The following SPSB4 variants were observed in gnomAD, a reference collection of about 807,000 sequenced individuals.
SPSB4 encodes SPRY domain-containing SOCS box protein 4.
In SPSB4, 21 loss-of-function variants were observed where a neutral mutation model predicts 20.9. The observed-to-expected ratio is 1.01, with a 90% CI of 0.71 to 1.45. SPSB4 has a LOEUF of 1.45. Among genes scored for constraint, SPSB4 ranks in the 40% most tolerant of loss-of-function variants. The pLI is 0.00. For missense variants in SPSB4, 399 were observed against 399.2 expected, an observed-to-expected ratio of 1.00 and a Z score of 0.00; for synonymous variants, 207 against 183.8, an observed-to-expected ratio of 1.13 and a Z score of -1.02.
At chr3:141,136,029 G>A (rs1362743861) in intron 2 of SPSB4, among the ~76,000 whole-genome samples, 5 of 151,754 alleles carry the variant, frequency 3.3e-5, no homozygotes, top group African/African-American at 7.3e-5. Flanking sequence ...TTTAATGATC[G>A]CCATTCTAAC....
At chr3:141,056,693 T>A (rs867565746) in intron 1 of SPSB4, among the ~76,000 whole-genome samples, 2 of 152,394 alleles carry the variant, frequency 1.3e-5, no homozygotes, top group South Asian at 2.1e-4. Flanking sequence ...CATTAAATGG[T>A]ACCCTTCCCA....
At chr3:141,071,965 C>T (rs1203348797) in intron 2 of SPSB4, among the ~76,000 whole-genome samples, 2 of 152,232 alleles carry the variant, frequency 1.3e-5, no homozygotes, top group Non-Finnish European at 2.9e-5. Context: ...GACACTGTCT[C>T]CTTGCCAGAG....
intron 2 of SPSB4, among the ~76,000 whole-genome samples, chr3:141,109,046 T>A (rs1021012420): frequency 6.6e-6 from 1 of 152,230 alleles, no homozygotes; most frequent in East Asian, 1.9e-4. Context: ...CCTTTTGGAG[T>A]CCAGTTTTTT....
At chr3:141,103,379 C>T (rs2107795873) in intron 2 of SPSB4, among the ~76,000 whole-genome samples, 1 of 152,262 alleles carries the variant, frequency 6.6e-6, no homozygotes, top group South Asian at 2.1e-4. Context: ...AAAGAGCTTC[C>T]CATCCAGCTC....
intron 1 of SPSB4, among the ~76,000 whole-genome samples, chr3:141,064,031 TC>T (rs1403464020): frequency 1.3e-5 from 2 of 152,206 alleles, no homozygotes; most frequent in African/African-American, 2.4e-5. Context: ...GCCCTCCTCT[TC>T]CCCCAGGGTG....
At chr3:141,127,836 A>T (rs116642299) in intron 2 of SPSB4, among the ~76,000 whole-genome samples, 5,250 of 152,306 alleles carry the variant, frequency 0.034, 146 homozygotes, top group Non-Finnish European at 0.055. Context: ...GAGGACAAAT[A>T]TTCTCTTAGG....
chr3:141,134,065 T>TC (rs1939186625), intron 2 of SPSB4, among the ~76,000 whole-genome samples: 1 of 144,312 alleles, frequency 6.9e-6, no homozygotes, highest in Non-Finnish European at 1.5e-5. Context: ...TCTTTTTTTT[T>TC]TTTTTTTTTT....
rs1045500562 is a variant in SPSB4, at chr3:141,147,539, C to A, written c.*270C>A. 1 of 456,554 alleles carries A rather than the reference C, an allele frequency of 2.2e-6. No homozygotes were observed. Among genetic ancestry groups the A allele is most frequent in the South Asian group, 3.2e-5 (1 of 30,796 alleles). 28.3% of individuals were successfully genotyped at this position (456,554 alleles called of 1,614,324 possible). A position where few individuals can be genotyped will look rare whatever the true frequency, so the allele number is the denominator to read the frequency against. ...CTGGAGTCTGCACCTCCTGGAAATCCTGCCACCAACCAGGACACAGCAGCC... is the reference window on the plus strand; with the variant it reads ...CTGGAGTCTGCACCTCCTGGAAATCATGCCACCAACCAGGACACAGCAGCC... On this transcript the variant is annotated 3_prime_UTR_variant, in exon 3 of 3. Coordinates refer to ENST00000310546, the MANE Select transcript of SPSB4 (RefSeq NM_080862.3).
At chr3:141,095,448 T>A (rs1239264943) in intron 2 of SPSB4, among the ~76,000 whole-genome samples, 1 of 152,156 alleles carries the variant, frequency 6.6e-6, no homozygotes, top group Non-Finnish European at 1.5e-5. Flanking sequence ...CTCACCCACC[T>A]GCTCCCTTCC....
chr3:141,071,215 G>A (rs925559573), intron 2 of SPSB4, among the ~76,000 whole-genome samples: 12 of 152,222 alleles, frequency 7.9e-5, no homozygotes, highest in East Asian at 5.8e-4. Context: ...TTTGGAATCT[G>A]CTCTGGGCTG....
At chr3:141,124,162 T>G (rs1187203955) in intron 2 of SPSB4, 2 of 152,234 alleles carry the variant, frequency 1.3e-5, no homozygotes, top group African/African-American at 4.8e-5. Context: ...ACTGGGTTTC[T>G]CATTCTCATT....
Position 141,127,652 on chromosome 3 carries a change from C to T in SPSB4, c.695-19490C>T, listed in dbSNP as rs569678024. Among the ~76,000 whole-genome samples the T allele has an allele frequency of 2.6e-5, 4 of 152,226 alleles. No homozygotes were observed. In the East Asian group the frequency reaches 7.7e-4, roughly 29 times the overall value. On this transcript the variant is annotated intron_variant, in intron 2 of 2. Transcript: ENST00000310546. ...GCCAGGATTAAATGTGATTTCTGTT[C>T]TGCCAAACGTCAACCGGTGGAGAGG...
chr3:141,122,390 G>A (rs934802468), intron 2 of SPSB4, among the ~76,000 whole-genome samples: 2 of 152,206 alleles, frequency 1.3e-5, no homozygotes, highest in African/African-American at 4.8e-5. Context: ...ACCCACTTGA[G>A]GAGGCAGTCT....
chr3:141,079,770 G>GAGGT (rs1938191743), intron 2 of SPSB4, among the ~76,000 whole-genome samples: 1 of 152,226 alleles, frequency 6.6e-6, no homozygotes, highest in African/African-American at 2.4e-5. Flanking sequence ...ATAAGGGAGG[G>GAGGT]AGGTCAGCTG....
chr3:141,054,277 A>C (rs1936144180), intron 1 of SPSB4, among the ~76,000 whole-genome samples: 1 of 152,094 alleles, frequency 6.6e-6, no homozygotes, highest in Admixed American at 6.5e-5. Context: ...GGGCATGAAA[A>C]TCAGGGGAGT....
At chr3:141,094,773 G>A (rs9863480) in intron 2 of SPSB4, among the ~76,000 whole-genome samples, 1 of 25,534 alleles carries the variant, frequency 3.9e-5, no homozygotes, top group African/African-American at 1.5e-4. Context: ...CCCGCCCCCC[G>A]CCCCCCGCCC....
intron 1 of SPSB4, among the ~76,000 whole-genome samples, chr3:141,061,704 C>T (rs1937765109): frequency 2.0e-5 from 3 of 148,696 alleles, no homozygotes; most frequent in Non-Finnish European, 3.0e-5. Flanking sequence ...CCTTTTTCTT[C>T]TCTTTCTTTC....
At chr3:141,141,693 GC>G (rs1177439339) in intron 2 of SPSB4, among the ~76,000 whole-genome samples, 1 of 151,994 alleles carries the variant, frequency 6.6e-6, no homozygotes, top group African/African-American at 2.4e-5. Context: ...TTTTTTGGTG[GC>G]AATTTTTTAT....
In SPSB4 at chr3:141,066,350, G is replaced by C; in HGVS notation, c.246G>C (p.Gln82His). The change falls in exon 2 of 3, where the codon CAG (glutamine) becomes CAC (histidine). Residue 82 changes from glutamine (Q) to histidine (H), a missense_variant. Coordinates refer to ENST00000310546, the MANE Select transcript of SPSB4 (RefSeq NM_080862.3). ...RLTFHRHPVA[Q>H]STDGIRGKVG... ...CCTTCCACCGGCACCCCGTGGCCCA[G>C]AGCACCGACGGCATCCGCGGCAAGG... 6.4e-7 allele frequency: 1 copy of C among 1,561,756 alleles called. No individual in the cohort carries two copies. The highest frequency in any genetic ancestry group is 2.4e-5 in the East Asian group (1 of 41,438).
Sources: allele counts gnomAD v4.1 joint callset (sites outside exome capture counted in the v4.1 genomes callset), GRCh38; gene constraint gnomAD v4.1.1; transcripts MANE v1.5; gene names NCBI Gene and HGNC (gene_info 2026-07-23, HGNC 2026-07-21).